CEP112: variants seen among roughly 807,000 people sequenced by gnomAD.
CEP112 encodes centrosomal protein 112, also known as centrosomal protein of 112 kDa.
A neutral mutation model predicts 153.0 loss-of-function variants in CEP112; 127 were observed. The observed-to-expected ratio is 0.83, with a 90% CI of 0.72 to 0.96. The LOEUF (loss-of-function observed/expected upper bound fraction) is 0.96. Ranked by LOEUF, CEP112 falls within the 40% of genes least tolerant of loss-of-function variation. The pLI is 0.00. For missense variants in CEP112, 1,089 were observed against 1,101.2 expected, an observed-to-expected ratio of 0.99 and a Z score of 0.16; for synonymous variants, 358 against 374.4, an observed-to-expected ratio of 0.96 and a Z score of 0.51.
intron 20 of CEP112, among the ~76,000 whole-genome samples, chr17:65,861,023 T>C (rs2058296083): frequency 6.6e-6 from 1 of 152,234 alleles, no homozygotes; most frequent in Non-Finnish European, 1.5e-5. Flanking sequence ...GTGATTCCAA[T>C]ATTTTACATG....
At chr17:66,180,247 T>C (rs914465029) in intron 2 of CEP112, among the ~76,000 whole-genome samples, 2 of 152,108 alleles carry the variant, frequency 1.3e-5, no homozygotes, top group Non-Finnish European at 2.9e-5. Flanking sequence ...TTTTGAATAG[T>C]TTGAGTAAGA....
chr17:65,855,144 G>C (rs531625392), intron 20 of CEP112, among the ~76,000 whole-genome samples: 131 of 152,210 alleles, frequency 8.6e-4, no homozygotes, highest in African/African-American at 2.8e-3. Context: ...CAGTCCTAAG[G>C]GGGTACAGCC....
At chr17:65,995,999 T>C (rs1233947292) in intron 17 of CEP112, among the ~76,000 whole-genome samples, 1 of 152,156 alleles carries the variant, frequency 6.6e-6, no homozygotes, top group Non-Finnish European at 1.5e-5. Flanking sequence ...TTAAACCTCT[T>C]TTTCTTTATA....
intron 18 of CEP112, among the ~76,000 whole-genome samples, chr17:65,949,062 A>ACT (rs34180376): frequency 0.48 from 72,686 of 151,926 alleles, 18,371 homozygotes; most frequent in East Asian, 0.89. Flanking sequence ...CCAAATAATG[A>ACT]CTGCTGATTG....
intron 18 of CEP112, among the ~76,000 whole-genome samples, chr17:65,940,528 T>C (rs974252114): frequency 1.3e-5 from 2 of 152,186 alleles, no homozygotes; most frequent in African/African-American, 2.4e-5. Flanking sequence ...AAATGTGGCA[T>C]GTATATATCT....
At chr17:65,998,893 A>G (rs995293566) in intron 17 of CEP112, among the ~76,000 whole-genome samples, 1 of 152,182 alleles carries the variant, frequency 6.6e-6, no homozygotes. Context: ...TCCAGAGTCC[A>G]TGCTCTTAAC....
intron 8 of CEP112, among the ~76,000 whole-genome samples, chr17:66,077,140 C>A (rs2067532881): frequency 6.6e-6 from 1 of 152,088 alleles, no homozygotes; most frequent in Non-Finnish European, 1.5e-5. Context: ...CAAAACAAGG[C>A]TCTTTAACAC....
At chr17:66,147,566 T>C (rs896337869) in intron 4 of CEP112, among the ~76,000 whole-genome samples, 2 of 152,170 alleles carry the variant, frequency 1.3e-5, no homozygotes, top group Admixed American at 1.3e-4. Flanking sequence ...TTTGGCCTCA[T>C]ATCCAAAAAA....
At chr17:65,812,144 C>T (rs2056005159) in intron 21 of CEP112, among the ~76,000 whole-genome samples, 1 of 152,040 alleles carries the variant, frequency 6.6e-6, no homozygotes, top group Admixed American at 6.6e-5. Flanking sequence ...GCTAGGACTA[C>T]AGGCGCCCGC....
At chr17:66,165,415 A>G (rs1456629299) in intron 4 of CEP112, among the ~76,000 whole-genome samples, 1 of 152,226 alleles carries the variant, frequency 6.6e-6, no homozygotes, top group Non-Finnish European at 1.5e-5. Flanking sequence ...GTACTGCTGT[A>G]GAACACATAT....
intron 23 of CEP112, among the ~76,000 whole-genome samples, chr17:65,741,555 T>C (rs569871826): frequency 5.2e-4 from 78 of 151,434 alleles, no homozygotes; most frequent in Middle Eastern, 6.9e-3. Context: ...TAATTAAAAC[T>C]GTAAGAATTA....
chr17:66,030,064 T>TGGCTCACGCC, intron 12 of CEP112, 41 bp from the exon 13 acceptor site: 1 of 1,560,780 alleles, frequency 6.4e-7, no homozygotes, highest in Non-Finnish European at 8.7e-7. Flanking sequence ...TCTGACTCAG[T>TGGCTCACGCC]TGTAACACTT....
intron 17 of CEP112, among the ~76,000 whole-genome samples, chr17:65,963,279 G>A (rs1439368198): frequency 6.6e-6 from 1 of 151,718 alleles, no homozygotes; most frequent in East Asian, 1.9e-4. Context: ...GCTGGGCGGG[G>A]GTGGGTAATT....
chr17:65,789,076 T>A (rs2054445155), intron 21 of CEP112, among the ~76,000 whole-genome samples: 1 of 152,162 alleles, frequency 6.6e-6, no homozygotes, highest in South Asian at 2.1e-4. Context: ...ACAGCCTTGG[T>A]ACCCAGATCC....
chr17:66,178,915 A>G (rs1335090216), intron 2 of CEP112, among the ~76,000 whole-genome samples: 1 of 152,088 alleles, frequency 6.6e-6, no homozygotes, highest in Non-Finnish European at 1.5e-5. Flanking sequence ...AAACTGATAA[A>G]CTTAAGTAAA....
intron 8 of CEP112, among the ~76,000 whole-genome samples, chr17:66,085,630 T>C (rs972295836): frequency 6.6e-6 from 1 of 152,138 alleles, no homozygotes; most frequent in Non-Finnish European, 1.5e-5. Context: ...TGAATAAGAA[T>C]GGGGTGATAT....
chr17:66,098,755 A>G (rs532183035), intron 6 of CEP112, among the ~76,000 whole-genome samples: 34 of 152,350 alleles, frequency 2.2e-4, no homozygotes, highest in African/African-American at 7.0e-4. Flanking sequence ...ACAGATTGAT[A>G]AAGAGACCAA....
At chr17:66,005,906 TG>T (rs1444558260) in intron 16 of CEP112, 137 bp from the exon 17 acceptor site, 1 of 736,214 alleles carries the variant, frequency 1.4e-6, no homozygotes, top group Non-Finnish European at 2.0e-6. Flanking sequence ...GATAGAAACT[TG>T]GTCTACCATA....
chr17:65,777,258 C>A (rs757690709), intron 21 of CEP112, among the ~76,000 whole-genome samples: 9 of 152,168 alleles, frequency 5.9e-5, no homozygotes, highest in Admixed American at 2.6e-4. Context: ...GACTGCACCA[C>A]AGGGATGGCA....
Sources: gnomAD v4.1 joint callset for allele counts (sites outside exome capture counted in the v4.1 genomes callset) on GRCh38, gnomAD v4.1.1 for gene constraint, MANE v1.5 for transcripts, NCBI Gene and HGNC (gene_info 2026-07-23, HGNC 2026-07-21) for gene names.